CSMD1: variants seen among roughly 807,000 people sequenced by gnomAD.
CSMD1 encodes CUB and sushi domain-containing protein 1.
A neutral mutation model predicts 417.5 loss-of-function variants in CSMD1; 213 were observed. The observed-to-expected ratio is 0.51, with a 90% CI of 0.46 to 0.57. The LOEUF is 0.57. Ranked by LOEUF, CSMD1 falls within the 20% of genes least tolerant of loss-of-function variation. The pLI, the probability that CSMD1 is intolerant of heterozygous loss-of-function variation, is 0.00. For synonymous variants in CSMD1, 2,862 were observed against 1,736.8 expected (o/e 1.65, Z -16.11); for missense variants, 6,923 against 4,529.7 (o/e 1.53, Z -15.17).
At chr8:4,187,313 C>T (rs1451216378) in intron 3 of CSMD1, among the ~76,000 whole-genome samples, 1 of 152,070 alleles carries the variant, frequency 6.6e-6, no homozygotes, top group African/African-American at 2.4e-5. Flanking sequence ...AAGGACAACC[C>T]ACTAGGATGC....
chr8:4,061,153 G>T (rs2911721), intron 3 of CSMD1, among the ~76,000 whole-genome samples: 136,254 of 152,032 alleles, frequency 0.9, 61,200 homozygotes, highest in Middle Eastern at 0.95. Flanking sequence ...CCCCATCCTT[G>T]CCCCTTACGA....
chr8:4,102,570 C>T (rs946962755), intron 3 of CSMD1, among the ~76,000 whole-genome samples: 2 of 149,874 alleles, frequency 1.3e-5, no homozygotes, highest in African/African-American at 4.9e-5. Flanking sequence ...AGGCTGACTC[C>T]CAGGCTGAAA....
At position 4,994,270 on chromosome 8, in the gene CSMD1, G is replaced by A; in HGVS notation, c.85+62C>T. On this transcript the variant is annotated intron_variant, in intron 1 of 69. Transcript: ENST00000635120. Reference sequence around the variant, plus strand: ...TGCGGTCCCCAAAACGCACACTCGCGTCCGCACACGGGGCCTCCGAGGGCT... The same window carrying A: ...TGCGGTCCCCAAAACGCACACTCGCATCCGCACACGGGGCCTCCGAGGGCT... 1.5e-5 allele frequency: 23 copies of A among 1,491,682 alleles called. No homozygotes were observed. In the South Asian group the frequency reaches 1.8e-4, roughly 12 times the overall value. The allele number at this position is 1,491,682 out of a possible 1,614,324, so 92.4% of individuals were successfully genotyped here.
At chr8:3,588,126 A>G (rs1364504684) in intron 8 of CSMD1, among the ~76,000 whole-genome samples, 2 of 150,222 alleles carry the variant, frequency 1.3e-5, no homozygotes, top group South Asian at 2.1e-4. Context: ...TCCAGGTATC[A>G]GTCTCCAGTT....
At chr8:3,722,668 G>C (rs1002728421) in intron 6 of CSMD1, among the ~76,000 whole-genome samples, 25 of 152,198 alleles carry the variant, frequency 1.6e-4, no homozygotes, top group Non-Finnish European at 1.8e-4. Flanking sequence ...ATTCCGCACA[G>C]AGTTCGGTAA....
chr8:3,951,113 A>G (rs1399748932), intron 5 of CSMD1, among the ~76,000 whole-genome samples: 1 of 152,220 alleles, frequency 6.6e-6, no homozygotes, highest in Non-Finnish European at 1.5e-5. Flanking sequence ...ATATATCTAC[A>G]TTTATAGGCA....
intron 5 of CSMD1, among the ~76,000 whole-genome samples, chr8:3,798,569 A>G (rs187498354): frequency 5.1e-4 from 78 of 152,124 alleles, no homozygotes; most frequent in Non-Finnish European, 5.4e-4. Flanking sequence ...TTGAGAGGTG[A>G]TTGCAATGAA....
intron 10 of CSMD1, among the ~76,000 whole-genome samples, chr8:3,510,255 G>A (rs11994484): frequency 0.035 from 5,355 of 151,832 alleles, 356 homozygotes; most frequent in East Asian, 0.22. Flanking sequence ...TCTGCGCCGC[G>A]TCCCTTGCCT....
intron 1 of CSMD1, among the ~76,000 whole-genome samples, chr8:4,941,756 G>A (rs115127457): frequency 0.017 from 2,557 of 152,050 alleles, 112 homozygotes; most frequent in East Asian, 0.15. Context: ...GTGCCATTAT[G>A]CCCGACTGAT....
At chr8:3,970,090 T>G (rs1157002425) in intron 5 of CSMD1, among the ~76,000 whole-genome samples, 2 of 152,204 alleles carry the variant, frequency 1.3e-5, no homozygotes, top group Non-Finnish European at 2.9e-5. Flanking sequence ...GCTCTAAAAT[T>G]AAAAACCTTC....
intron 41 of CSMD1, among the ~76,000 whole-genome samples, chr8:3,134,945 A>T (rs2129028363): frequency 6.6e-6 from 1 of 152,334 alleles, no homozygotes; most frequent in South Asian, 2.1e-4. Flanking sequence ...TATTACTGAG[A>T]CAGGGTCTCA....
intron 3 of CSMD1, among the ~76,000 whole-genome samples, chr8:4,202,558 C>T (rs1312020430): frequency 6.6e-6 from 1 of 152,176 alleles, no homozygotes; most frequent in African/African-American, 2.4e-5. Context: ...TCAGCCTCGA[C>T]AAATTACTCC....
chr8:4,282,033 G>C (rs1414565957), intron 3 of CSMD1, among the ~76,000 whole-genome samples: 1 of 152,168 alleles, frequency 6.6e-6, no homozygotes, highest in Non-Finnish European at 1.5e-5. Context: ...ATTAGCCTTT[G>C]TTATAAACAC....
intron 2 of CSMD1, among the ~76,000 whole-genome samples, chr8:4,551,518 C>G (rs1248318507): frequency 6.6e-6 from 1 of 152,140 alleles, no homozygotes; most frequent in African/African-American, 2.4e-5. Context: ...TGAATGCTAC[C>G]TGCCCAACCA....
intron 3 of CSMD1, among the ~76,000 whole-genome samples, chr8:4,164,886 A>ATAT (rs201946037): frequency 3.9e-5 from 5 of 127,260 alleles, no homozygotes; most frequent in African/African-American, 1.5e-4. Context: ...CAAAGAAAAA[A>ATAT]AAAAATATAT....
intron 5 of CSMD1, among the ~76,000 whole-genome samples, chr8:3,881,239 CAG>C (rs984481124): frequency 2.8e-5 from 4 of 140,564 alleles, no homozygotes; most frequent in Admixed American, 7.7e-5. Flanking sequence ...CAAACCTCAA[CAG>C]AGTTTTGTTT....
rs375809953 is a variant in CSMD1, at chr8:3,276,024, G to A, written c.4153+8120C>T. Among the ~76,000 whole-genome samples, 4 of 152,248 alleles carry A rather than the reference G, an allele frequency of 2.6e-5. No homozygotes were observed. In the East Asian group the frequency reaches 7.7e-4, roughly 29 times the overall value. On this transcript the variant is annotated intron_variant, in intron 26 of 69. Transcript: ENST00000635120. ...GGCACTCTGCTTTTTAGAGTTTCCA[G>A]TTTTTCTGCTCTGTTTTTTCCCCAT...
intron 3 of CSMD1, among the ~76,000 whole-genome samples, chr8:4,100,951 G>C (rs897473867): frequency 1.3e-5 from 2 of 152,208 alleles, no homozygotes; most frequent in Admixed American, 1.3e-4. Context: ...CCAGAGTATT[G>C]TCTGTAATCA....
intron 3 of CSMD1, among the ~76,000 whole-genome samples, chr8:4,401,702 A>T (rs1804655282): frequency 6.6e-6 from 1 of 151,356 alleles, no homozygotes; most frequent in Non-Finnish European, 1.5e-5. Context: ...CTCCCATCTA[A>T]TCCTCCTTCT....
Sources: gnomAD v4.1 joint callset for allele counts (sites outside exome capture counted in the v4.1 genomes callset) on GRCh38, gnomAD v4.1.1 for gene constraint, MANE v1.5 for transcripts, NCBI Gene and HGNC (gene_info 2026-07-23, HGNC 2026-07-21) for gene names.